ANKFN1: variants seen among roughly 807,000 people sequenced by gnomAD.
The protein encoded by ANKFN1 is ankyrin repeat and fibronectin type-III domain-containing protein 1.
A neutral mutation model predicts 108.7 loss-of-function variants in ANKFN1; 74 were observed. That is an observed-to-expected ratio of 0.68 (90% CI 0.56 to 0.83). The LOEUF is 0.83. Among genes scored for constraint, ANKFN1 ranks in the 40% least tolerant of loss-of-function variants. The probability of loss-of-function intolerance (pLI) is 0.00; values close to 1 mark genes in which losing one functional copy is unlikely to be tolerated. For synonymous variants in ANKFN1, 547 were observed against 516.2 expected (o/e 1.06, Z -0.81); for missense variants, 1,505 against 1,382.3 (o/e 1.09, Z -1.41).
rs976919533 is a variant in ANKFN1, at chr17:56,268,911, A to C, written c.53+40954A>C. On this transcript the variant is annotated intron_variant, in intron 3 of 20. Transcript: ENST00000682825. ...AATTATGCTAAGCCCTGGAGATTTAAGATAAATAAATAAAGACACAAAATG... is the reference window on the plus strand; with the variant it reads ...AATTATGCTAAGCCCTGGAGATTTACGATAAATAAATAAAGACACAAAATG... Among the ~76,000 whole-genome samples, 8 of 152,192 alleles carry C rather than the reference A, an allele frequency of 5.3e-5. No individual in the cohort carries two copies. The South Asian group carries it at 6.2e-4, about 12-fold the overall frequency.
chr17:56,288,875 T>A (rs2044288849), intron 3 of ANKFN1, among the ~76,000 whole-genome samples: 1 of 152,232 alleles, frequency 6.6e-6, no homozygotes, highest in African/African-American at 2.4e-5. Context: ...CTTCTCCAGC[T>A]ATACGTGCTC....
chr17:56,208,348 C>T (rs1043395162), intron 1 of ANKFN1, among the ~76,000 whole-genome samples: 1 of 152,164 alleles, frequency 6.6e-6, no homozygotes, highest in Admixed American at 6.5e-5. Context: ...AATCTCAGCA[C>T]TACTGACGTT....
At chr17:56,240,965 G>GT (rs946315431) in intron 3 of ANKFN1, among the ~76,000 whole-genome samples, 10 of 151,016 alleles carry the variant, frequency 6.6e-5, no homozygotes, top group Admixed American at 1.3e-4. Context: ...TTTTTGGCCT[G>GT]TTTTTTTTAA....
intron 4 of ANKFN1, among the ~76,000 whole-genome samples, chr17:56,051,670 T>C (rs139015720): frequency 0.79 from 88,650 of 112,764 alleles, 35,844 homozygotes; most frequent in African/African-American, 0.9. Flanking sequence ...CTAGAAAACC[T>C]CATTGTCTCA....
chr17:56,453,530 C>T (rs1308766923), intron 11 of ANKFN1, among the ~76,000 whole-genome samples: 4 of 152,162 alleles, frequency 2.6e-5, no homozygotes, highest in African/African-American at 9.7e-5. Flanking sequence ...CTCTGTCCTG[C>T]TCCAGTCTAG....
intron 4 of ANKFN1, among the ~76,000 whole-genome samples, chr17:56,068,539 A>G (rs1437560987): frequency 1.3e-5 from 2 of 152,168 alleles, no homozygotes; most frequent in East Asian, 1.9e-4. Context: ...ATGAGTGCCC[A>G]TAGAGCTCAC....
At chr17:56,188,581 G>GTGTGTGTGTGTGTGTATATATATATA (rs1212242378) in intron 1 of ANKFN1, among the ~76,000 whole-genome samples, 1 of 49,668 alleles carries the variant, frequency 2.0e-5, no homozygotes, top group African/African-American at 1.0e-4. Context: ...GTGTGTGTGT[G>GTGTGTGTGTGTGTGTATATATATATA]TATATATATA....
In ANKFN1 at chr17:56,305,906, C is replaced by T. The variant is rs143140349; in HGVS notation, c.54-20315C>T. Among the ~76,000 whole-genome samples the T allele has an allele frequency of 5.5e-4, 83 of 152,236 alleles. 4 individuals carry two copies. The East Asian group carries it at 0.011, about 20-fold the overall frequency. ...TCACTTGCACCAGCATCATTTGTTACGGTACTACCTTTTCTATGTTGGATA... is the reference window on the plus strand; with the variant it reads ...TCACTTGCACCAGCATCATTTGTTATGGTACTACCTTTTCTATGTTGGATA... On this transcript the variant is annotated intron_variant, in intron 3 of 20. Transcript: ENST00000682825.
chr17:56,095,607 G>A (rs1016668772), intron 4 of ANKFN1, among the ~76,000 whole-genome samples: 4 of 152,158 alleles, frequency 2.6e-5, no homozygotes, highest in Non-Finnish European at 5.9e-5. Flanking sequence ...TGGTCTGAAT[G>A]CTTTAATTTG....
chr17:56,166,410 A>G (rs1177717817), intron 1 of ANKFN1, among the ~76,000 whole-genome samples: 1 of 152,176 alleles, frequency 6.6e-6, no homozygotes, highest in Non-Finnish European at 1.5e-5. Flanking sequence ...AAGCTTCAAA[A>G]TCATCCATGC....
intron 8 of ANKFN1, among the ~76,000 whole-genome samples, chr17:56,431,897 T>A (rs143646569): frequency 7.2e-4 from 110 of 152,338 alleles, no homozygotes; most frequent in Admixed American, 6.9e-3. Context: ...TGTGCTCTCC[T>A]TGCTCTGTTC....
At chr17:56,379,235 A>G (rs1249892124) in intron 8 of ANKFN1, among the ~76,000 whole-genome samples, 1 of 152,010 alleles carries the variant, frequency 6.6e-6, no homozygotes, top group Non-Finnish European at 1.5e-5. Flanking sequence ...CGTCTCTACT[A>G]AAAAATACAA....
At chr17:56,250,838 G>A (rs752197430) in intron 3 of ANKFN1, among the ~76,000 whole-genome samples, 3 of 152,184 alleles carry the variant, frequency 2.0e-5, no homozygotes, top group Non-Finnish European at 2.9e-5. Context: ...GAAAGTTGGA[G>A]GACAAGCTAA....
chr17:56,492,463 G>A (rs1284724142), intron 19 of ANKFN1, 110 bp downstream of exon 19: 31 of 600,820 alleles, frequency 5.2e-5, no homozygotes, highest in South Asian at 2.8e-4. Flanking sequence ...CAAAGAACAC[G>A]GTGTGTAAGT....
chr17:56,061,065 G>T (rs1268511406), intron 4 of ANKFN1, among the ~76,000 whole-genome samples: 1 of 151,938 alleles, frequency 6.6e-6, no homozygotes, highest in Non-Finnish European at 1.5e-5. Flanking sequence ...TCTGGTCCTG[G>T]GCTTTTTTTG....
intron 4 of ANKFN1, among the ~76,000 whole-genome samples, chr17:56,056,636 A>G (rs1376556130): frequency 6.6e-6 from 1 of 152,222 alleles, no homozygotes; most frequent in East Asian, 1.9e-4. Flanking sequence ...GAAGAATGAA[A>G]CTGGACCCCT....
intron 4 of ANKFN1, among the ~76,000 whole-genome samples, chr17:56,145,337 C>T (rs1045194648): frequency 6.6e-6 from 1 of 152,148 alleles, no homozygotes; most frequent in African/African-American, 2.4e-5. Flanking sequence ...AGTATTAGTC[C>T]ATTCTCATGC....
At chr17:56,056,721 C>G (rs1353517736) in intron 4 of ANKFN1, among the ~76,000 whole-genome samples, 3 of 152,176 alleles carry the variant, frequency 2.0e-5, no homozygotes, top group Admixed American at 6.5e-5. Flanking sequence ...TATAAAAATC[C>G]TAGAAGAAAA....
Position 56,346,501 on chromosome 17 carries a change from C to G in ANKFN1, c.189-4265C>G, listed in dbSNP as rs1210678759. Among the ~76,000 whole-genome samples, 7 of 151,960 alleles carry G rather than the reference C, an allele frequency of 4.6e-5. No individual in the cohort carries two copies. In the East Asian group the frequency reaches 1.4e-3, roughly 29 times the overall value. On this transcript the variant is annotated intron_variant, in intron 4 of 20. Transcript: ENST00000682825. ...AAACTGTTGGTTTCCAAGACTGCCA[C>G]AGAGCTGGAGAAGATGGGAATAGGG...
Sources: allele counts gnomAD v4.1 joint callset (sites outside exome capture counted in the v4.1 genomes callset), GRCh38; gene constraint gnomAD v4.1.1; transcripts MANE v1.5; gene names NCBI Gene and HGNC (gene_info 2026-07-23, HGNC 2026-07-21).